DAB1: variants seen among roughly 807,000 people sequenced by gnomAD.
The protein encoded by DAB1 is disabled homolog 1.
Under a neutral mutation model 64.6 loss-of-function variants are expected in DAB1, and 15 were observed. The ratio of observed to expected loss-of-function variants is 0.23; its 90% CI spans 0.16 to 0.36. The LOEUF is 0.36. Ranked by LOEUF, DAB1 falls within the 10% of genes least tolerant of loss-of-function variation. The pLI is 1.00. For missense variants in DAB1, 596 were observed against 706.7 expected (o/e 0.84, Z 1.78); for synonymous variants, 235 against 251.9 (o/e 0.93, Z 0.64).
At chr1:57,938,530 G>A (rs892238333) in intron 5 of DAB1, among the ~76,000 whole-genome samples, 4 of 151,996 alleles carry the variant, frequency 2.6e-5, no homozygotes, top group East Asian at 1.9e-4. Flanking sequence ...TCACTTGTTC[G>A]CTCTCTCTCA....
chr1:58,346,712 C>T (rs943997692), intron 3 of DAB1, among the ~76,000 whole-genome samples: 1 of 152,212 alleles, frequency 6.6e-6, no homozygotes, highest in Non-Finnish European at 1.5e-5. Context: ...TATCATTCCA[C>T]TAACAAAGGA....
chr1:58,490,879 C>G (rs1280042036), intron 3 of DAB1, among the ~76,000 whole-genome samples: 1 of 139,268 alleles, frequency 7.2e-6, no homozygotes, highest in Non-Finnish European at 1.5e-5. Flanking sequence ...GATCTCGGCT[C>G]ACAGCAAGCT....
At position 57,615,393 on chromosome 1, in the gene DAB1, G is replaced by GTAA. The variant is rs1267032359; in HGVS notation, n.625+34196_625+34198dup. Among the ~76,000 whole-genome samples the GTAA allele has an allele frequency of 9.8e-5, 15 of 152,308 alleles. No homozygotes were observed. The South Asian group carries it at 2.7e-3, about 27-fold the overall frequency. ...TACATCTGCTACTTGGAACGTGGAT[G>GTAA]TAATGGCTGAAGAGCCATCCTGAAG... On this transcript the variant is annotated intron_variant and non_coding_transcript_variant, in intron 7 of 20. Transcript: ENST00000485760.
At chr1:58,124,006 A>G (rs1652907056) in intron 5 of DAB1, among the ~76,000 whole-genome samples, 1 of 152,164 alleles carries the variant, frequency 6.6e-6, no homozygotes, top group African/African-American at 2.4e-5. Context: ...AAAAACATGA[A>G]GTGTAAACAT....
At chr1:58,046,436 T>C (rs1366899788) in intron 5 of DAB1, among the ~76,000 whole-genome samples, 1 of 152,190 alleles carries the variant, frequency 6.6e-6, no homozygotes, top group Non-Finnish European at 1.5e-5. Flanking sequence ...AAGAACTTCT[T>C]TTTTTGTTGT....
At chr1:57,808,969 A>G (rs1651494406) in intron 6 of DAB1, among the ~76,000 whole-genome samples, 1 of 152,192 alleles carries the variant, frequency 6.6e-6, no homozygotes, top group Non-Finnish European at 1.5e-5. Context: ...TAGTGTTCTC[A>G]AGGACAGACG....
chr1:57,278,225 T>C (rs1671623466), intron 2 of DAB1, among the ~76,000 whole-genome samples: 1 of 152,206 alleles, frequency 6.6e-6, no homozygotes, highest in Non-Finnish European at 1.5e-5. Flanking sequence ...AACATAATCT[T>C]AACTTATCTG....
intron 2 of DAB1, among the ~76,000 whole-genome samples, chr1:57,254,571 T>TG (rs1430529371): frequency 6.6e-6 from 1 of 152,188 alleles, no homozygotes; most frequent in Admixed American, 6.5e-5. Context: ...GATGATACAC[T>TG]AAGAATTCAA....
chr1:57,181,142 G>A (rs998554378), intron 2 of DAB1, among the ~76,000 whole-genome samples: 5 of 152,184 alleles, frequency 3.3e-5, no homozygotes, highest in African/African-American at 4.8e-5. Flanking sequence ...TGTAGTAGAC[G>A]CTTGATAAAA....
chr1:57,458,974 C>G (rs1686692343), intron 7 of DAB1, among the ~76,000 whole-genome samples: 1 of 151,868 alleles, frequency 6.6e-6, no homozygotes, highest in South Asian at 2.1e-4. Context: ...ATGAGTATTA[C>G]TTTTATAATC....
intron 3 of DAB1, among the ~76,000 whole-genome samples, chr1:58,491,829 C>A (rs1557439284): frequency 6.6e-6 from 1 of 152,176 alleles, no homozygotes; most frequent in Non-Finnish European, 1.5e-5. Context: ...GACTTTAACA[C>A]CCCACTGTTA....
chr1:58,141,094 G>A (rs759734102), intron 5 of DAB1, among the ~76,000 whole-genome samples: 7 of 152,188 alleles, frequency 4.6e-5, no homozygotes, highest in Middle Eastern at 3.2e-3. Flanking sequence ...GGTGAAGCAG[G>A]AGCAGGCATA....
At chr1:57,317,132 G>A (rs983000872) in intron 1 of DAB1, among the ~76,000 whole-genome samples, 1 of 152,168 alleles carries the variant, frequency 6.6e-6, no homozygotes, top group African/African-American at 2.4e-5. Context: ...CCACATGACA[G>A]GGAACCAAGG....
At chr1:57,967,690 C>T (rs1645700598) in intron 5 of DAB1, among the ~76,000 whole-genome samples, 1 of 152,116 alleles carries the variant, frequency 6.6e-6, no homozygotes, top group Admixed American at 6.5e-5. Flanking sequence ...ATTGTAGCTA[C>T]TTTACAGGGG....
rs189530159 is a variant in DAB1 at position 57,865,427 on chromosome 1, C to G, written n.87+18572G>C. 1.3e-3 allele frequency among the ~76,000 whole-genome samples: 204 copies of G among 152,220 alleles called. 1 individual carries two copies. The highest frequency in any genetic ancestry group is 2.3e-3 in the South Asian group (11 of 4,814). Reference sequence around the variant, plus strand: ...AAGGTCCATATGATGAAATTTAACACAGCCCACTGGGCCCTAAATATGTTG... The same window carrying G: ...AAGGTCCATATGATGAAATTTAACAGAGCCCACTGGGCCCTAAATATGTTG... On this transcript the variant is annotated intron_variant and non_coding_transcript_variant, in intron 1 of 1. Transcript: ENST00000477280.
At chr1:57,864,685 T>TA (rs1331602894) in intron 1 of DAB1, 1 of 145,166 alleles carries the variant, frequency 6.9e-6, no homozygotes, top group Non-Finnish European at 1.5e-5. Flanking sequence ...TTTATTTAAT[T>TA]ATTTATTTAT....
intron 1 of DAB1, among the ~76,000 whole-genome samples, chr1:57,859,691 C>G (rs1237314691): frequency 6.6e-6 from 1 of 152,202 alleles, no homozygotes; most frequent in African/African-American, 2.4e-5. Context: ...GAAACATTTT[C>G]ATCTTTCCTG....
At chr1:57,440,508 A>C (rs1347666605) in intron 7 of DAB1, among the ~76,000 whole-genome samples, 1 of 152,156 alleles carries the variant, frequency 6.6e-6, no homozygotes, top group East Asian at 1.9e-4. Flanking sequence ...GTAAGTGGTG[A>C]CTGAGCAAAG....
intron 5 of DAB1, among the ~76,000 whole-genome samples, chr1:57,941,398 T>G (rs1645102161): frequency 6.6e-6 from 1 of 152,218 alleles, no homozygotes; most frequent in Non-Finnish European, 1.5e-5. Flanking sequence ...GACTTCTGTT[T>G]TCTGTCTGTT....
Sources: allele counts gnomAD v4.1 joint callset (sites outside exome capture counted in the v4.1 genomes callset), GRCh38; gene constraint gnomAD v4.1.1; transcripts MANE v1.5; gene names NCBI Gene and HGNC (gene_info 2026-07-23, HGNC 2026-07-21).